UBE2W: variants seen among roughly 807,000 people sequenced by gnomAD.
The protein encoded by UBE2W is ubiquitin conjugating enzyme E2 W.
UBE2W carries 18 observed loss-of-function variants against 27.2 expected under a neutral mutation model. The ratio of observed to expected loss-of-function variants is 0.66; its 90% CI spans 0.46 to 0.98. The LOEUF is 0.98. Among genes scored for constraint, UBE2W ranks in the 50% least tolerant of loss-of-function variants. The pLI is 0.00. For missense variants in UBE2W, 90 were observed against 180.2 expected, an observed-to-expected ratio of 0.50 and a Z score of 2.87; for synonymous variants, 53 against 57.2, an observed-to-expected ratio of 0.93 and a Z score of 0.33.
chr8:73,834,337 T>C (rs1335317246), intron 1 of UBE2W, among the ~76,000 whole-genome samples: 1 of 152,244 alleles, frequency 6.6e-6, no homozygotes, highest in Admixed American at 6.5e-5. Flanking sequence ...GTTTTAATTA[T>C]TTTCTACTGA....
At chr8:73,867,959 T>A (rs1458646449) in intron 1 of UBE2W, among the ~76,000 whole-genome samples, 1 of 152,202 alleles carries the variant, frequency 6.6e-6, no homozygotes, top group African/African-American at 2.4e-5. Context: ...ATGCTGCAGT[T>A]GCTGTGGAAA....
intron 3 of UBE2W, among the ~76,000 whole-genome samples, chr8:73,816,671 C>A (rs1809399720): frequency 6.6e-6 from 1 of 152,178 alleles, no homozygotes; most frequent in Non-Finnish European, 1.5e-5. Flanking sequence ...TGTCCCCTTC[C>A]CTCTAAAATA....
intron 4 of UBE2W, among the ~76,000 whole-genome samples, chr8:73,807,585 C>T (rs1189466090): frequency 6.6e-6 from 1 of 151,988 alleles, no homozygotes; most frequent in East Asian, 1.9e-4. Flanking sequence ...TGAGAAAATT[C>T]CTAAAAAATG....
At chr8:73,822,673 G>GCTT (rs1350609737) in intron 3 of UBE2W, among the ~76,000 whole-genome samples, 1 of 140,132 alleles carries the variant, frequency 7.1e-6, no homozygotes, top group Non-Finnish European at 1.5e-5. Context: ...AGTCCCAGCT[G>GCTT]CTTCGGAGGC....
intron 1 of UBE2W, chr8:73,831,948 G>A (rs962974648): frequency 1.3e-5 from 2 of 151,798 alleles, no homozygotes; most frequent in Admixed American, 6.6e-5. Context: ...TTTTTAACAC[G>A]AGTTCCCAAA....
At chr8:73,877,496 G>A (rs937860264) in intron 1 of UBE2W, among the ~76,000 whole-genome samples, 1 of 152,134 alleles carries the variant, frequency 6.6e-6, no homozygotes, top group African/African-American at 2.4e-5. Flanking sequence ...TAAAAGCACA[G>A]GAGTAAATGT....
chr8:73,786,491 G>C lies in UBE2W; in HGVS notation c.*7611C>G. ...GGGACACAAACACAATTGCAACACT[G>C]TCCCTACTGTTAAAAAGTTCAGGAT... On this transcript the variant is annotated 3_prime_UTR_variant, in exon 6 of 6. Coordinates refer to ENST00000602593, the MANE Select transcript of UBE2W (RefSeq NM_018299.6). The C allele has an allele frequency of 1.0e-6, 1 of 985,386 alleles. No homozygotes were observed. Among genetic ancestry groups the C allele is most frequent in the Non-Finnish European group, 1.2e-6 (1 of 829,886 alleles). 61.0% of individuals were successfully genotyped at this position (985,386 alleles called of 1,614,324 possible). A position where few individuals can be genotyped will look rare whatever the true frequency, so the allele number is the denominator to read the frequency against.
intron 3 of UBE2W, 85 bp downstream of exon 3, chr8:73,825,062 A>T: frequency 3.8e-6 from 3 of 798,324 alleles, no homozygotes; most frequent in South Asian, 3.7e-5. Flanking sequence ...CGTATAACTG[A>T]TTTATATGTT....
At chr8:73,821,413 G>C (rs564713674) in intron 3 of UBE2W, among the ~76,000 whole-genome samples, 11 of 151,886 alleles carry the variant, frequency 7.2e-5, no homozygotes, top group African/African-American at 2.2e-4. Context: ...ACAGGGACTT[G>C]AATGCCAGGC....
In UBE2W at chr8:73,786,814, G is replaced by C; in HGVS notation, c.*7288C>G. ...ACTCAACAGGACTTGAAAAATGCAA[G>C]GAGAGGACTACTGAGTATCATTGCT... is the stretch of plus-strand genomic sequence containing the variant. On this transcript the variant is annotated 3_prime_UTR_variant, in exon 6 of 6. Transcript: ENST00000602593. 1 of 985,352 alleles carries C rather than the reference G, an allele frequency of 1.0e-6. No homozygotes were observed. Among genetic ancestry groups the C allele is most frequent in the Non-Finnish European group, 1.2e-6 (1 of 829,904 alleles). 61.0% of individuals were successfully genotyped at this position (985,352 alleles called of 1,614,324 possible).
chr8:73,821,568 G>GGA (rs1809616510), intron 3 of UBE2W, among the ~76,000 whole-genome samples: 1 of 116,426 alleles, frequency 8.6e-6, no homozygotes, highest in Non-Finnish European at 1.8e-5. Context: ...GGGGGGGGGG[G>GGA]ATGTGTGTGC....
chr8:73,859,707 A>G (rs1446009531), intron 1 of UBE2W, among the ~76,000 whole-genome samples: 1 of 152,174 alleles, frequency 6.6e-6, no homozygotes, highest in Non-Finnish European at 1.5e-5. Flanking sequence ...TTTTGACTGC[A>G]CAGGTGGTTG....
At chr8:73,864,598 G>C (rs1441068171) in intron 1 of UBE2W, among the ~76,000 whole-genome samples, 1 of 152,066 alleles carries the variant, frequency 6.6e-6, no homozygotes, top group Non-Finnish European at 1.5e-5. Context: ...TTGAGACAGA[G>C]TCTCGCTCTA....
At chr8:73,872,898 T>TC (rs1362391459) in intron 1 of UBE2W, among the ~76,000 whole-genome samples, 168 of 151,630 alleles carry the variant, frequency 1.1e-3, no homozygotes, top group African/African-American at 3.7e-3. Context: ...CTTTTTTTTT[T>TC]TCCTTTTTTT....
intron 1 of UBE2W, among the ~76,000 whole-genome samples, chr8:73,872,996 C>T (rs1812068602): frequency 6.6e-6 from 1 of 151,594 alleles, no homozygotes; most frequent in Non-Finnish European, 1.5e-5. Context: ...GCCTCCGCCT[C>T]CTGGGCCCAA....
Position 73,787,002 on chromosome 8 carries a change from G to C in UBE2W, c.*7100C>G, listed in dbSNP as rs1196666865. ...AATGACATATATTCACCCACATTAAGTCCCTGAAGGCCAGATACAGACATG... is the reference window on the plus strand; with the variant it reads ...AATGACATATATTCACCCACATTAACTCCCTGAAGGCCAGATACAGACATG... On this transcript the variant is annotated 3_prime_UTR_variant, in exon 6 of 6. Coordinates refer to ENST00000602593, the MANE Select transcript of UBE2W (RefSeq NM_018299.6). 32 of 985,276 alleles carry C rather than the reference G, an allele frequency of 3.2e-5. No homozygotes were observed. The highest frequency in any genetic ancestry group is 3.7e-5 in the Non-Finnish European group (31 of 829,920). 61.0% of individuals were successfully genotyped at this position (985,276 alleles called of 1,614,324 possible).
At chr8:73,781,798 C>G (rs907718552), downstream of UBE2W, among the ~76,000 whole-genome samples, 5 of 151,962 alleles carry the variant, frequency 3.3e-5, no homozygotes, top group Non-Finnish European at 5.9e-5. Flanking sequence ...AGGCTAGACT[C>G]AGGTTTTAAA....
chr8:73,786,643 T>A lies in UBE2W; in HGVS notation c.*7459A>T. ...AGGGAAGAACATTAGCAGACGGCAG[T>A]GGAAGCTTGCATTGCTACTGCTTAT... is the stretch of plus-strand genomic sequence containing the variant. On this transcript the variant is annotated 3_prime_UTR_variant, in exon 6 of 6. Transcript: ENST00000602593. The A allele has an allele frequency of 1.0e-6, 1 of 985,430 alleles. No homozygotes were observed. The allele number at this position is 985,430 out of a possible 1,614,324, so 61.0% of individuals were successfully genotyped here.
chr8:73,869,559 C>T (rs947103604), intron 1 of UBE2W, among the ~76,000 whole-genome samples: 8 of 152,080 alleles, frequency 5.3e-5, no homozygotes, highest in African/African-American at 1.4e-4. Flanking sequence ...GGTGTGGTGG[C>T]GCACGCCTGC....
Sources: allele counts gnomAD v4.1 joint callset (sites outside exome capture counted in the v4.1 genomes callset), GRCh38; gene constraint gnomAD v4.1.1; transcripts MANE v1.5; gene names NCBI Gene and HGNC (gene_info 2026-07-23, HGNC 2026-07-21).